B3GALT1: variants seen among roughly 807,000 people sequenced by gnomAD.
B3GALT1 encodes the protein beta-1,3-galactosyltransferase 1.
In B3GALT1, 10 loss-of-function variants were observed where a neutral mutation model predicts 23.2. That is an observed-to-expected ratio of 0.43 (90% CI 0.27 to 0.73). The LOEUF (loss-of-function observed/expected upper bound fraction) is 0.73, where lower values mean the gene tolerates loss of function less well. Among genes scored for constraint, B3GALT1 ranks in the 30% least tolerant of loss-of-function variants. The pLI is 0.21. For missense variants in B3GALT1, 299 were observed against 405.4 expected, an observed-to-expected ratio of 0.74 and a Z score of 2.25; for synonymous variants, 156 against 141.5, an observed-to-expected ratio of 1.10 and a Z score of -0.73.
intron 3 of B3GALT1, among the ~76,000 whole-genome samples, chr2:167,673,113 A>G (rs1282758209): frequency 2.0e-5 from 3 of 152,098 alleles, no homozygotes; most frequent in African/African-American, 2.4e-5. Flanking sequence ...TGTGATTCCT[A>G]TGATAAGGCA....
At chr2:167,757,268 C>A (rs1417114799) in intron 3 of B3GALT1, among the ~76,000 whole-genome samples, 2 of 152,132 alleles carry the variant, frequency 1.3e-5, no homozygotes, top group African/African-American at 4.8e-5. Context: ...AGCATCCCAG[C>A]CCACCCATCC....
chr2:167,754,963 A>G (rs1022913025), intron 3 of B3GALT1, among the ~76,000 whole-genome samples: 8 of 152,210 alleles, frequency 5.3e-5, no homozygotes, highest in Admixed American at 1.3e-4. Flanking sequence ...GAGCCGAGCC[A>G]TGCATTCAAG....
rs547541799 is a variant in B3GALT1, at chr2:167,433,070, T to C, written c.-510-57107T>C. Among the ~76,000 whole-genome samples, 11 of 152,336 alleles carry C rather than the reference T, an allele frequency of 7.2e-5. No individual in the cohort carries two copies. In the South Asian group the frequency reaches 2.3e-3, roughly 32 times the overall value. ...AGTTTCACTGCCCTCAAAATACCTC[T>C]GCGCTTGAATAGTCATATTCATCCC... On this transcript the variant is annotated intron_variant, in intron 1 of 4. Coordinates refer to ENST00000392690, the MANE Select transcript of B3GALT1 (RefSeq NM_020981.4).
Position 167,734,863 on chromosome 2 carries a change from A to G in B3GALT1, c.-351-83809A>G, listed in dbSNP as rs74545665. On this transcript the variant is annotated intron_variant, in intron 3 of 4. Coordinates refer to ENST00000392690, the MANE Select transcript of B3GALT1 (RefSeq NM_020981.4). ...ATTTTTCTCTTTTATATCTTTTTCC[A>G]TCCATCTTTCTTTGCTTGATTTCCA... 4.0e-3 allele frequency among the ~76,000 whole-genome samples: 614 copies of G among 151,898 alleles called. 7 individuals carry two copies. The highest frequency in any genetic ancestry group is 0.014 in the African/African-American group (583 of 41,408).
chr2:167,467,898 G>C (rs1699371336), intron 1 of B3GALT1, among the ~76,000 whole-genome samples: 1 of 152,078 alleles, frequency 6.6e-6, no homozygotes. Context: ...TTATGACATT[G>C]GGGTAAAGCA....
At chr2:167,499,671 A>AT (rs948657113) in intron 2 of B3GALT1, among the ~76,000 whole-genome samples, 2 of 152,094 alleles carry the variant, frequency 1.3e-5, no homozygotes, top group African/African-American at 2.4e-5. Flanking sequence ...ATATGCATGG[A>AT]TTTTTCCCCC....
chr2:167,490,911 G>A (rs966189003), intron 2 of B3GALT1, among the ~76,000 whole-genome samples: 2 of 152,246 alleles, frequency 1.3e-5, no homozygotes, highest in South Asian at 2.1e-4. Flanking sequence ...TCCTGATCTT[G>A]TGTCAAGAAA....
chr2:167,825,553 C>CTAAT (rs1017498925), intron 4 of B3GALT1, among the ~76,000 whole-genome samples: 7 of 151,068 alleles, frequency 4.6e-5, no homozygotes, highest in African/African-American at 1.5e-4. Flanking sequence ...AATTCTCTTA[C>CTAAT]TAATTCCACG....
chr2:167,605,420 G>C (rs1052363739), intron 2 of B3GALT1, among the ~76,000 whole-genome samples: 1 of 152,174 alleles, frequency 6.6e-6, no homozygotes, highest in Non-Finnish European at 1.5e-5. Flanking sequence ...GGCTTGGAGT[G>C]CCCATGGTGG....
chr2:167,376,517 A>G lies in B3GALT1; in HGVS notation c.-511+83183A>G, dbSNP rs756397725. Among the ~76,000 whole-genome samples, 5 of 152,102 alleles carry G rather than the reference A, an allele frequency of 3.3e-5. 1 individual carries two copies. In the South Asian group the frequency reaches 6.2e-4, roughly 19 times the overall value. On this transcript the variant is annotated intron_variant, in intron 1 of 4. Transcript: ENST00000392690. ...GTTTTTTATTAGTGATTCAATTTCA[A>G]AAGTTGATATTGGCCTATTTAATGT...
At chr2:167,779,141 A>C (rs1351119503) in intron 3 of B3GALT1, among the ~76,000 whole-genome samples, 1 of 152,212 alleles carries the variant, frequency 6.6e-6, no homozygotes, top group Non-Finnish European at 1.5e-5. Context: ...TCTTTCATTC[A>C]CTCACTTTTC....
At chr2:167,349,811 A>T (rs1697282124) in intron 1 of B3GALT1, among the ~76,000 whole-genome samples, 1 of 152,110 alleles carries the variant, frequency 6.6e-6, no homozygotes, top group African/African-American at 2.4e-5. Flanking sequence ...GGATTGCTGC[A>T]CTTAGTATTC....
At chr2:167,371,093 T>G (rs1000456644) in intron 1 of B3GALT1, among the ~76,000 whole-genome samples, 1 of 152,090 alleles carries the variant, frequency 6.6e-6, no homozygotes, top group African/African-American at 2.4e-5. Flanking sequence ...AAAGAAGGGA[T>G]AGCAATCAGT....
chr2:167,647,939 C>T lies in B3GALT1; in HGVS notation c.-352+973C>T, dbSNP rs552069799. ...CTTTGAGCTATAAACAACCTAATTT[C>T]GCTCTTTAAGTTATTCTAAAATGTA... On this transcript the variant is annotated intron_variant, in intron 3 of 4. Coordinates refer to ENST00000392690, the MANE Select transcript of B3GALT1 (RefSeq NM_020981.4). 2.1e-3 allele frequency among the ~76,000 whole-genome samples: 323 copies of T among 152,192 alleles called. 1 individual carries two copies. The highest frequency in any genetic ancestry group is 3.8e-3 in the Non-Finnish European group (258 of 67,988).
Position 167,746,043 on chromosome 2 carries a change from T to C in B3GALT1, c.-351-72629T>C, listed in dbSNP as rs553973646. Reference sequence around the variant, plus strand: ...CCTTTGTCTAATCTCCTGAGTCAGATGAATTGTTGTGGTTAGAAAAGGAGA... The same window carrying C: ...CCTTTGTCTAATCTCCTGAGTCAGACGAATTGTTGTGGTTAGAAAAGGAGA... On this transcript the variant is annotated intron_variant, in intron 3 of 4. Coordinates refer to ENST00000392690, the MANE Select transcript of B3GALT1 (RefSeq NM_020981.4). 2.0e-5 allele frequency among the ~76,000 whole-genome samples: 3 copies of C among 152,324 alleles called. No homozygotes were observed. In the East Asian group the frequency reaches 5.8e-4, roughly 29 times the overall value.
At chr2:167,556,462 T>C (rs960393651) in intron 2 of B3GALT1, among the ~76,000 whole-genome samples, 2 of 152,084 alleles carry the variant, frequency 1.3e-5, no homozygotes, top group African/African-American at 4.8e-5. Context: ...GTATTAAAAA[T>C]GGACTATAAG....
chr2:167,686,623 C>T (rs1411911065), intron 3 of B3GALT1, among the ~76,000 whole-genome samples: 1 of 152,198 alleles, frequency 6.6e-6, no homozygotes, highest in Non-Finnish European at 1.5e-5. Flanking sequence ...TTTAACTCCT[C>T]CTCAAAGCCA....
intron 3 of B3GALT1, among the ~76,000 whole-genome samples, chr2:167,722,363 AAAGTC>A (rs1388830178): frequency 6.6e-6 from 1 of 152,216 alleles, no homozygotes; most frequent in African/African-American, 2.4e-5. Flanking sequence ...CTTCTCAAGC[AAAGTC>A]AAGAGGCTGC....
intron 4 of B3GALT1, among the ~76,000 whole-genome samples, chr2:167,827,276 C>G (rs1042977472): frequency 7.9e-5 from 12 of 152,174 alleles, no homozygotes; most frequent in Admixed American, 3.9e-4. Flanking sequence ...GTACAAAGAA[C>G]AAGACAGGTG....
Sources: gnomAD v4.1 joint callset for allele counts (sites outside exome capture counted in the v4.1 genomes callset) on GRCh38, gnomAD v4.1.1 for gene constraint, MANE v1.5 for transcripts, NCBI Gene and HGNC (gene_info 2026-07-23, HGNC 2026-07-21) for gene names.